INPP5B: variants seen among roughly 807,000 people sequenced by gnomAD.
INPP5B encodes the protein inositol polyphosphate-5-phosphatase B.
A neutral mutation model predicts 118.5 loss-of-function variants in INPP5B; 90 were observed. The observed-to-expected ratio is 0.76, with a 90% CI of 0.64 to 0.90. The LOEUF (loss-of-function observed/expected upper bound fraction) is 0.90. Among genes scored for constraint, INPP5B ranks in the 40% least tolerant of loss-of-function variants. The pLI is 0.00. For missense variants in INPP5B, 984 were observed against 1,125.6 expected (o/e 0.87, Z 1.80); for synonymous variants, 385 against 418.9 (o/e 0.92, Z 0.99).
At chr1:37,934,142 C>T (rs1461588064) in intron 6 of INPP5B, among the ~76,000 whole-genome samples, 1 of 151,932 alleles carries the variant, frequency 6.6e-6, no homozygotes, top group East Asian at 1.9e-4. Flanking sequence ...CCATATTGGT[C>T]AGTCTGGTCT....
rs187077116 is a variant in INPP5B at position 37,862,302 on chromosome 1, A to C, written c.*13T>G. On this transcript the variant is annotated 3_prime_UTR_variant, in exon 24 of 24. Coordinates refer to ENST00000373024, the MANE Select transcript of INPP5B (RefSeq NM_005540.3). ...AATTGGCAGCCTCAAGTAAAATAGG[A>C]GGAGAGAGAGGCTCAGAGTGGGTTG... 6.4e-7 allele frequency: 1 copy of C among 1,555,570 alleles called. No homozygotes were observed. Among genetic ancestry groups the C allele is most frequent in the Non-Finnish European group, 8.9e-7 (1 of 1,127,406 alleles).
chr1:37,884,332 CTTTCT>C (rs1365813246), intron 13 of INPP5B: 1 of 151,936 alleles, frequency 6.6e-6, no homozygotes, highest in Non-Finnish European at 1.5e-5. Context: ...CTCTCCTTTC[CTTTCT>C]TTTTTCTTTT....
At chr1:37,945,989 A>G in intron 2 of INPP5B, 139 bp from the exon 3 acceptor site, 1 of 744,742 alleles carries the variant, frequency 1.3e-6, no homozygotes, top group Non-Finnish European at 2.2e-6. Flanking sequence ...GTGCTGAACT[A>G]ACAGACAAAC....
chr1:37,917,448 C>T (rs185697511), intron 7 of INPP5B, among the ~76,000 whole-genome samples: 52 of 150,334 alleles, frequency 3.5e-4, no homozygotes, highest in African/African-American at 1.1e-3. Flanking sequence ...CTCAGCCTCC[C>T]GAGTAGCTGG....
At chr1:37,883,328 C>A (rs187074421) in intron 13 of INPP5B, 387 of 985,440 alleles carry the variant, frequency 3.9e-4, no homozygotes, top group Admixed American at 5.5e-4. Context: ...CTGCAACCCA[C>A]AAAACACACT....
intron 13 of INPP5B, chr1:37,883,863 T>C (rs1187711779): frequency 2.4e-5 from 24 of 985,124 alleles, no homozygotes; most frequent in Non-Finnish European, 2.9e-5. Context: ...CAGTGGCTTC[T>C]TCCTCTTTAT....
rs1411207684 is a variant in INPP5B at position 37,943,281 on chromosome 1, G to A, written c.280+359C>T. Among the ~76,000 whole-genome samples, 9 of 152,220 alleles carry A rather than the reference G, an allele frequency of 5.9e-5. 1 individual carries two copies. The East Asian group carries it at 1.7e-3, about 30-fold the overall frequency. ...GCTGGGATTACAGGCGTGAGCCACT[G>A]CCCTGGCCTAATTTCAGGGGTTTAA... On this transcript the variant is annotated intron_variant, in intron 5 of 23. Transcript: ENST00000373024.
Position 37,902,027 on chromosome 1 carries a change from C to T in INPP5B, c.533-10573G>A, listed in dbSNP as rs147725229. Among the ~76,000 whole-genome samples, 1,422 of 151,254 alleles carry T rather than the reference C, an allele frequency of 9.4e-3. 30 individuals are homozygous for T. The highest frequency in any genetic ancestry group is 0.033 in the African/African-American group (1,359 of 41,264). ...TTTGAGGCAGAGTCTTACTCTGTTG[C>T]CCAGGTTGGAGTGTGGTGGCGTGAT... On this transcript the variant is annotated intron_variant, in intron 7 of 23. Transcript: ENST00000373024.
intron 7 of INPP5B, among the ~76,000 whole-genome samples, chr1:37,922,565 A>G (rs903948058): frequency 2.0e-5 from 3 of 152,104 alleles, no homozygotes; most frequent in Non-Finnish European, 4.4e-5. Flanking sequence ...GCATGGTGGC[A>G]GGCGCCTGTA....
At position 37,931,959 on chromosome 1, in the gene INPP5B, A is replaced by T. The variant is rs780986028; in HGVS notation, c.486T>A (p.Cys162Ter). 1 of 1,613,458 alleles carries T rather than the reference A, an allele frequency of 6.2e-7. No homozygotes were observed. Among genetic ancestry groups the T allele is most frequent in the Non-Finnish European group, 8.5e-7 (1 of 1,179,686 alleles). ...CTGGCCAGGTAACTAGGGCCGAGTTACAACCGCGCGGCGTTGGCATCTCCA... is the reference window on the plus strand; with the variant it reads ...CTGGCCAGGTAACTAGGGCCGAGTTTCAACCGCGCGGCGTTGGCATCTCCA... The part of the protein sequence containing the change: ...LELEMPTPRG[C>*]NSALVTWPGY... The change falls in exon 7 of 24, where the codon TGT (cysteine) becomes TGA (stop). Residue 162 changes from cysteine to a stop codon, truncating the protein, a stop_gained. Coordinates refer to ENST00000373024, the MANE Select transcript of INPP5B (RefSeq NM_005540.3). LOFTEE classifies it high-confidence loss of function.
rs780742091 is a variant in INPP5B, at chr1:37,866,438, AG to A, written c.2386+20del. 814 of 1,270,160 alleles carry A rather than the reference AG, an allele frequency of 6.4e-4. 5 individuals carry two copies. The African/African-American group carries it at 0.01, about 16-fold the overall frequency. The allele number at this position is 1,270,160 out of a possible 1,614,324, so 78.7% of individuals were successfully genotyped here. On this transcript the variant is annotated intron_variant, in intron 21 of 23. Coordinates refer to ENST00000373024, the MANE Select transcript of INPP5B (RefSeq NM_005540.3). The stretch of plus-strand genomic sequence containing the variant: ...CACACACACACACACACACACACAG[AG>A]CTGAATGTCTGAAGGATACAGAGGT...
chr1:37,871,895 CA>C (rs368128622), intron 19 of INPP5B, among the ~76,000 whole-genome samples: 2,611 of 112,452 alleles, frequency 0.023, 30 homozygotes, highest in African/African-American at 0.053. Context: ...GACTCTGTTT[CA>C]AAAAAAAAAA....
rs559659840 is a variant in INPP5B, at chr1:37,874,151, C to A, written c.1793G>T (p.Cys598Phe). 3.2e-6 allele frequency: 5 copies of A among 1,564,692 alleles called. No homozygotes were observed. The highest frequency in any genetic ancestry group is 1.2e-5 in the South Asian group (1 of 86,648). Residue 598 changes from cysteine to phenylalanine, a missense_variant, in exon 18 of 24, where the codon TGT becomes TTT. Physicochemically the swap from Cys to Phe is radical, Grantham distance 205. Coordinates refer to ENST00000373024, the MANE Select transcript of INPP5B (RefSeq NM_005540.3). ...PSVSLSKREF[C>F]FQNVKYMQLK... Reference sequence around the variant, plus strand: ...TTGCATGTACTTCACATTCTGAAAACAGAACTGGGAAGAAGCCCGGGGCCA... The same window carrying A: ...TTGCATGTACTTCACATTCTGAAAAAAGAACTGGGAAGAAGCCCGGGGCCA...
rs553015958 is a variant in INPP5B, at chr1:37,868,937, G to C, written c.2188-323C>G. On this transcript the variant is annotated intron_variant, in intron 19 of 23. Coordinates refer to ENST00000373024, the MANE Select transcript of INPP5B (RefSeq NM_005540.3). ...GTGAGGAAACAGCACAGACTTGGGAGTCCAAAAATCTGAGTTCAAGGCCCA... is the reference window on the plus strand; with the variant it reads ...GTGAGGAAACAGCACAGACTTGGGACTCCAAAAATCTGAGTTCAAGGCCCA... Among the ~76,000 whole-genome samples, 104 of 152,288 alleles carry C rather than the reference G, an allele frequency of 6.8e-4. No individual in the cohort carries two copies. In the South Asian group the frequency reaches 0.021, roughly 31 times the overall value.
chr1:37,886,104 G>A (rs184713328), intron 12 of INPP5B, among the ~76,000 whole-genome samples: 1 of 152,008 alleles, frequency 6.6e-6, no homozygotes, highest in Admixed American at 6.6e-5. Context: ...TTGAACGCGG[G>A]AGGGAGAGGT....
chr1:37,881,881 C>T (rs986511862), intron 14 of INPP5B, among the ~76,000 whole-genome samples: 3 of 152,194 alleles, frequency 2.0e-5, no homozygotes, highest in African/African-American at 2.4e-5. Context: ...GGATGGATCA[C>T]GAGGTCAGGA....
At chr1:37,912,912 T>C (rs1644747110) in intron 7 of INPP5B, among the ~76,000 whole-genome samples, 1 of 151,176 alleles carries the variant, frequency 6.6e-6, no homozygotes, top group Admixed American at 6.6e-5. Flanking sequence ...CATTTCTCTT[T>C]CCTCTAAAAT....
At chr1:37,943,724 C>T in intron 4 of INPP5B, 55 bp from the exon 5 acceptor site, 1 of 1,612,376 alleles carries the variant, frequency 6.2e-7, no homozygotes, top group Non-Finnish European at 8.5e-7. Context: ...CCCCCTTGCC[C>T]CCCCATCAAG....
At chr1:37,937,084 G>T (rs1645726568) in intron 6 of INPP5B, among the ~76,000 whole-genome samples, 1 of 152,000 alleles carries the variant, frequency 6.6e-6, no homozygotes, top group African/African-American at 2.4e-5. Flanking sequence ...AGGCCGAAGT[G>T]GGCAGATCAC....
Sources: gnomAD v4.1 joint callset for allele counts (sites outside exome capture counted in the v4.1 genomes callset) on GRCh38, gnomAD v4.1.1 for gene constraint, MANE v1.5 for transcripts, NCBI Gene and HGNC (gene_info 2026-07-23, HGNC 2026-07-21) for gene names.